Variants in RPTOR observed in about 807,000 individuals in gnomAD.
RPTOR encodes the protein regulatory associated protein of MTOR complex 1.
A neutral mutation model predicts 169.9 loss-of-function variants in RPTOR; 21 were observed. The observed-to-expected ratio is 0.12, with a 90% CI of 0.09 to 0.18. The LOEUF is 0.18. Ranked by LOEUF, RPTOR falls within the 10% of genes least tolerant of loss-of-function variation. The probability of loss-of-function intolerance (pLI) is 1.00; values close to 1 mark genes in which losing one functional copy is unlikely to be tolerated. For missense variants in RPTOR, 1,133 were observed against 1,855.9 expected (o/e 0.61, Z 7.16); for synonymous variants, 732 against 753.2 (o/e 0.97, Z 0.46).
intron 26 of RPTOR, among the ~76,000 whole-genome samples, chr17:80,946,656 C>A (rs2069107671): frequency 6.6e-6 from 1 of 152,256 alleles, no homozygotes; most frequent in Non-Finnish European, 1.5e-5. Context: ...GTCAGAATTT[C>A]CTTTTCATGG....
intron 1 of RPTOR, among the ~76,000 whole-genome samples, chr17:80,563,710 A>G (rs1034534578): frequency 3.9e-5 from 6 of 152,136 alleles, no homozygotes; most frequent in African/African-American, 1.4e-4. Flanking sequence ...CTAAGCAACT[A>G]TGTTGCCTAA....
intron 2 of RPTOR, among the ~76,000 whole-genome samples, chr17:80,640,905 C>T (rs1005037277): frequency 3.9e-5 from 6 of 152,234 alleles, no homozygotes; most frequent in African/African-American, 1.2e-4. Flanking sequence ...ATGACAGCCG[C>T]GGGCCGCGAC....
chr17:80,565,916 G>C (rs1354471135), intron 1 of RPTOR, among the ~76,000 whole-genome samples: 8 of 152,224 alleles, frequency 5.3e-5, no homozygotes, highest in Admixed American at 3.9e-4. Flanking sequence ...TTTGGTGCCC[G>C]GTTTCTACAC....
intron 21 of RPTOR, among the ~76,000 whole-genome samples, chr17:80,919,258 GCACA>G (rs1215941979): frequency 6.6e-6 from 1 of 152,170 alleles, no homozygotes; most frequent in Non-Finnish European, 1.5e-5. Flanking sequence ...AGAAATAGCA[GCACA>G]CGCTTTTGCA....
At position 80,893,545 on chromosome 17, in the gene RPTOR, A is replaced by G. The variant is rs115944231; in HGVS notation, c.2243-162A>G. 5.0e-3 allele frequency among the ~76,000 whole-genome samples: 733 copies of G among 147,458 alleles called. 5 individuals carry two copies. Among genetic ancestry groups the G allele is most frequent in the African/African-American group, 0.018 (705 of 39,490 alleles). On this transcript the variant is annotated intron_variant, in intron 19 of 33. Transcript: ENST00000306801. The stretch of plus-strand genomic sequence containing the variant: ...TGTATGTCGGGTGTGTGTACATGCC[A>G]GGGTGTGTGCGCACCAGGGTGTGTG...
chr17:80,617,960 T>G (rs1457089086), intron 1 of RPTOR, among the ~76,000 whole-genome samples: 1 of 152,160 alleles, frequency 6.6e-6, no homozygotes, highest in Non-Finnish European at 1.5e-5. Context: ...GAAGGGAGTT[T>G]CTTTAGTTTG....
At chr17:80,841,645 A>G (rs2067661630) in intron 10 of RPTOR, among the ~76,000 whole-genome samples, 1 of 122,708 alleles carries the variant, frequency 8.1e-6, no homozygotes, top group Non-Finnish European at 1.6e-5. Flanking sequence ...CACTCACCAC[A>G]CGGCAGCTCA....
At chr17:80,569,846 TGA>T (rs956970630) in intron 1 of RPTOR, among the ~76,000 whole-genome samples, 8 of 152,300 alleles carry the variant, frequency 5.3e-5, no homozygotes, top group East Asian at 3.9e-4. Context: ...TGAGTCTCCG[TGA>T]GGGTCGTGGG....
At chr17:80,835,947 G>A (rs367690627) in intron 9 of RPTOR, among the ~76,000 whole-genome samples, 26 of 152,308 alleles carry the variant, frequency 1.7e-4, no homozygotes, top group South Asian at 4.1e-4. Context: ...ATGTTGTGGC[G>A]GGGCCACAGC....
rs1303088259 is a variant in RPTOR, at chr17:80,841,125, ACTCACCGCACGGCAGCTCACT to A, written c.1212+3170_1212+3190del. 1.2e-3 allele frequency among the ~76,000 whole-genome samples: 31 copies of A among 26,346 alleles called. 6 individuals carry two copies. The highest frequency in any genetic ancestry group is 5.0e-3 in the African/African-American group (14 of 2,802). 17.3% of individuals were successfully genotyped at this position (26,346 alleles called of 152,430 possible). Reference sequence around the variant, plus strand: ...TCACTCTCTCTGCACCGCAGCTCACACTCACCGCACGGCAGCTCACTCTCACCGCACGGCAGCTCACTCTCA... The same window carrying A: ...TCACTCTCTCTGCACCGCAGCTCACACTCACCGCACGGCAGCTCACTCTCA... On this transcript the variant is annotated intron_variant, in intron 10 of 33. Transcript: ENST00000306801.
intron 20 of RPTOR, among the ~76,000 whole-genome samples, chr17:80,894,726 C>T (rs1165934947): frequency 6.6e-6 from 1 of 152,110 alleles, no homozygotes; most frequent in East Asian, 1.9e-4. Flanking sequence ...AGCATTTTAG[C>T]CATGTAAAAA....
intron 24 of RPTOR, among the ~76,000 whole-genome samples, chr17:80,928,386 T>A (rs2068837479): frequency 6.6e-6 from 1 of 152,188 alleles, no homozygotes. Flanking sequence ...ACATGTAAAC[T>A]AAAAATAGCT....
At chr17:80,742,847 C>A (rs1041266706) in intron 5 of RPTOR, among the ~76,000 whole-genome samples, 1 of 151,964 alleles carries the variant, frequency 6.6e-6, no homozygotes, top group Non-Finnish European at 1.5e-5. Flanking sequence ...CATAAACATA[C>A]ACATATACAT....
Position 80,746,092 on chromosome 17 carries a change from G to A in RPTOR, c.655-7918G>A, listed in dbSNP as rs1184133966. Among the ~76,000 whole-genome samples the A allele has an allele frequency of 6.6e-6, 1 of 151,966 alleles. No individual in the cohort carries two copies. The highest frequency in any genetic ancestry group is 1.5e-5 in the Non-Finnish European group (1 of 67,988). On this transcript the variant is annotated intron_variant, in intron 5 of 33. Transcript: ENST00000306801. The surrounding 1 kb of genome is among the most constrained non-coding windows in gnomAD (Gnocchi z 4.5). ...CGGGAGAATCGCTTGAACCCAGGAG[G>A]TGGAGGTTGCAGTGAGCTGAGATGG... is the stretch of plus-strand genomic sequence containing the variant.
chr17:80,650,497 G>T (rs1847026234), intron 3 of RPTOR, among the ~76,000 whole-genome samples: 1 of 152,190 alleles, frequency 6.6e-6, no homozygotes, highest in South Asian at 2.1e-4. Context: ...CTTTCTACCA[G>T]TGCACTGAGG....
At chr17:80,676,086 C>T (rs916974971) in intron 3 of RPTOR, among the ~76,000 whole-genome samples, 14 of 137,072 alleles carry the variant, frequency 1.0e-4, no homozygotes, top group African/African-American at 3.7e-4. Context: ...TTATTATACG[C>T]ATTAGGTGGA....
In RPTOR at chr17:80,947,183, G is replaced by C; in HGVS notation, c.3141-44G>C. The C allele has an allele frequency of 2.0e-6, 3 of 1,520,330 alleles. No individual in the cohort carries two copies. Among genetic ancestry groups the C allele is most frequent in the Non-Finnish European group, 2.6e-6 (3 of 1,136,184 alleles). The allele number at this position is 1,520,330 out of a possible 1,614,324, so 94.2% of individuals were successfully genotyped here. A position where few individuals can be genotyped will look rare whatever the true frequency, so the allele number is the denominator to read the frequency against. On this transcript the variant is annotated intron_variant, in intron 26 of 33. Coordinates refer to ENST00000306801, the MANE Select transcript of RPTOR (RefSeq NM_020761.3). The surrounding 1 kb of genome is among the most constrained non-coding windows in gnomAD (Gnocchi z 4.4). ...AGGTATCTCACTGTCATTTGGGTTT[G>C]CAGTTTCCTAATGACTTTTTTATTC...
intron 1 of RPTOR, among the ~76,000 whole-genome samples, chr17:80,615,284 C>T (rs1034015206): frequency 6.6e-6 from 1 of 152,158 alleles, no homozygotes; most frequent in Non-Finnish European, 1.5e-5. Context: ...TGCCACACAG[C>T]TCACAGGGTG....
At chr17:80,867,725 C>A (rs568910086) in intron 13 of RPTOR, among the ~76,000 whole-genome samples, 1 of 151,992 alleles carries the variant, frequency 6.6e-6, no homozygotes, top group South Asian at 2.1e-4. Flanking sequence ...CACTAGCAAT[C>A]AACAATTCGA....
Sources: gnomAD v4.1 joint callset for allele counts (sites outside exome capture counted in the v4.1 genomes callset) on GRCh38, gnomAD v4.1.1 for gene constraint, Gnocchi (gnomAD v3.1) non-coding constraint, MANE v1.5 for transcripts, NCBI Gene and HGNC (gene_info 2026-07-23, HGNC 2026-07-21) for gene names.